The following CD72 variants were observed in gnomAD, a reference collection of about 807,000 sequenced individuals.
The protein encoded by CD72 is CD72 molecule, also known as B-cell differentiation antigen CD72.
CD72 carries 28 observed loss-of-function variants against 50.7 expected under a neutral mutation model. The observed-to-expected ratio is 0.55, with a 90% CI of 0.41 to 0.76. The LOEUF (loss-of-function observed/expected upper bound fraction) is 0.76, where lower values mean the gene tolerates loss of function less well. CD72 is among the 30% of genes least tolerant of loss of function. The pLI, the probability that CD72 is intolerant of heterozygous loss-of-function variation, is 0.00. For missense variants in CD72, 403 were observed against 420.6 expected, an observed-to-expected ratio of 0.96 and a Z score of 0.37; for synonymous variants, 176 against 171.2, an observed-to-expected ratio of 1.03 and a Z score of -0.22.
At chr9:35,641,589 TGAGGA>T (rs1456261169) in intron 1 of CD72, among the ~76,000 whole-genome samples, 4 of 152,200 alleles carry the variant, frequency 2.6e-5, no homozygotes, top group Admixed American at 2.0e-4. Flanking sequence ...CTAGCCATCT[TGAGGA>T]GAGGAAACTA....
chr9:35,636,133 G>C (rs779898686), intron 1 of CD72, among the ~76,000 whole-genome samples: 2 of 152,092 alleles, frequency 1.3e-5, no homozygotes, highest in Non-Finnish European at 2.9e-5. Context: ...CTTATTGTGA[G>C]TAGCTGACCT....
chr9:35,616,833 T>C, intron 3 of CD72, 144 bp from the exon 4 acceptor site: 2 of 983,288 alleles, frequency 2.0e-6, no homozygotes, highest in Non-Finnish European at 3.1e-6. Context: ...GCATGGTGGT[T>C]TCTGTCGGGT....
At chr9:35,633,823 C>T (rs1292403259) in intron 1 of CD72, among the ~76,000 whole-genome samples, 1 of 152,134 alleles carries the variant, frequency 6.6e-6, no homozygotes, top group Admixed American at 6.6e-5. Context: ...CATTTAATAC[C>T]CTGATAAACC....
chr9:35,616,352 CT>C, intron 4 of CD72, 74 bp from the exon 5 acceptor site: 1 of 1,215,040 alleles, frequency 8.2e-7, no homozygotes, highest in Non-Finnish European at 1.2e-6. Flanking sequence ...AGCATCAGCC[CT>C]TTTTCTGCTT....
At chr9:35,631,840 A>C (rs1823248938) in intron 1 of CD72, among the ~76,000 whole-genome samples, 1 of 152,166 alleles carries the variant, frequency 6.6e-6, no homozygotes, top group Non-Finnish European at 1.5e-5. Flanking sequence ...CAGTGAGCCG[A>C]GATCGCCGAG....
At chr9:35,641,771 C>CCCTTT (rs1293439565) in intron 1 of CD72, among the ~76,000 whole-genome samples, 2 of 152,008 alleles carry the variant, frequency 1.3e-5, no homozygotes, top group Non-Finnish European at 2.9e-5. Flanking sequence ...CCTTCTATTT[C>CCCTTT]CCTTTCCTTT....
intron 1 of CD72, among the ~76,000 whole-genome samples, chr9:35,628,250 G>T (rs562437246): frequency 6.6e-6 from 1 of 152,270 alleles, no homozygotes; most frequent in East Asian, 1.9e-4. Flanking sequence ...CTACAGGCAC[G>T]TGTTACCAGG....
chr9:35,617,596 T>C (rs917759180), intron 2 of CD72, among the ~76,000 whole-genome samples: 3 of 152,050 alleles, frequency 2.0e-5, no homozygotes, highest in African/African-American at 7.3e-5. Flanking sequence ...CCGTTTCCCA[T>C]TAGAACTCAT....
Position 35,617,237 on chromosome 9 carries a change from C to A in CD72, c.201G>T (p.Ser67=). 1 of 1,556,896 alleles carries A rather than the reference C, an allele frequency of 6.4e-7. No homozygotes were observed. Among genetic ancestry groups the A allele is most frequent in the Admixed American group, 1.9e-5 (1 of 51,676 alleles). ...SVLGDKAAVK[S]EQPTASWRAV... is the part of the protein sequence containing the mutation. The stretch of plus-strand genomic sequence containing the variant: ...CTCTCCAGGACGCAGTTGGCTGCTC[C>A]GACTTGACCGCTGTCGAGGGGAGCA... Residue 67 remains serine (S), a synonymous_variant, in exon 3 of 9, where the codon TCG becomes TCT. Transcript: ENST00000259633.
At chr9:35,629,383 AT>A (rs1433439269) in intron 1 of CD72, among the ~76,000 whole-genome samples, 2 of 152,202 alleles carry the variant, frequency 1.3e-5, no homozygotes. Flanking sequence ...TATATCCTTC[AT>A]TTAGTATGTC....
upstream of CD72, among the ~76,000 whole-genome samples, chr9:35,623,242 A>G (rs1411611052): frequency 6.6e-6 from 1 of 152,258 alleles, no homozygotes; most frequent in African/African-American, 2.4e-5. Flanking sequence ...TTGTTTATGT[A>G]ACAAAGTTTG....
Position 35,616,680 on chromosome 9 carries a change from G to T in CD72, c.272C>A (p.Thr91Asn), listed in dbSNP as rs997411281. 2.2e-5 allele frequency: 36 copies of T among 1,613,470 alleles called. No homozygotes were observed. Among genetic ancestry groups the T allele is most frequent in the Non-Finnish European group, 3.0e-5 (35 of 1,179,902 alleles). Reference protein sequence around the residue: ...AVGRILPCRTTCLRYLLLGLL... With the variant: ...AVGRILPCRTNCLRYLLLGLL... ...GCCGAGCAGGAGGTATCGCAGGCAG[G>T]TTGTGCGGCCTTAGGGGGACAGTGG... The change falls in exon 4 of 9, where the codon ACC becomes AAC. Residue 91 changes from threonine to asparagine, a missense_variant. By Grantham distance (65) the Thr-to-Asn change is moderately conservative (BLOSUM62 0). Coordinates refer to ENST00000259633, the MANE Select transcript of CD72 (RefSeq NM_001782.3).
chr9:35,612,584 C>CAA (rs71506195), intron 6 of CD72, among the ~76,000 whole-genome samples: 30 of 135,158 alleles, frequency 2.2e-4, no homozygotes, highest in African/African-American at 7.3e-4. Flanking sequence ...GACTCTGTCT[C>CAA]AAAAAAAAAA....
At position 35,616,684 on chromosome 9, in the gene CD72, T is replaced by C. The variant is rs749239973; in HGVS notation, c.268A>G (p.Thr90Ala). Residue 90 changes from threonine (T) to alanine (A), a missense_variant, in exon 4 of 9, where the codon ACA (threonine) becomes GCA (alanine). By Grantham distance (58) the Thr-to-Ala change is moderately conservative. Transcript: ENST00000259633. ...AGCAGGAGGTATCGCAGGCAGGTTG[T>C]GCGGCCTTAGGGGGACAGTGGGATG... ...PAVGRILPCR[T>A]TCLRYLLLGL... The C allele has an allele frequency of 1.2e-6, 2 of 1,613,070 alleles. No individual in the cohort carries two copies. Among genetic ancestry groups the C allele is most frequent in the East Asian group, 4.5e-5 (2 of 44,860 alleles).
At chr9:35,640,995 G>A (rs144367755) in intron 1 of CD72, among the ~76,000 whole-genome samples, 15,049 of 152,272 alleles carry the variant, frequency 0.099, 1,116 homozygotes, top group East Asian at 0.39. Context: ...ATGTTTAAAG[G>A]TGGATGCAGT....
chr9:35,611,808 T>C lies in CD72; in HGVS notation c.946A>G (p.Thr316Ala), dbSNP rs1313286347. 1.9e-6 allele frequency: 3 copies of C among 1,561,704 alleles called. No homozygotes were observed. Among genetic ancestry groups the C allele is most frequent in the Middle Eastern group, 1.7e-4 (1 of 5,972 alleles). Residue 316 changes from threonine (T) to alanine (A), a missense_variant, in exon 7 of 9, where the codon ACT (threonine) becomes GCT (alanine). Physicochemically the swap from Thr to Ala is moderately conservative, Grantham distance 58 (BLOSUM62 0). Coordinates refer to ENST00000259633, the MANE Select transcript of CD72 (RefSeq NM_001782.3). ...CAGAAGTCCTAACAAACTTACCTAG[T>C]GCGTTGTGTATCATCAGTCAACTTC... is the stretch of plus-strand genomic sequence containing the variant. Reference protein sequence around the residue: ...DWKLTDDTQRTRTYAQSSKCN... With the variant: ...DWKLTDDTQRARTYAQSSKCN...
At chr9:35,621,902 A>G (rs1478172649), upstream of CD72, among the ~76,000 whole-genome samples, 1 of 152,220 alleles carries the variant, frequency 6.6e-6, no homozygotes, top group Non-Finnish European at 1.5e-5. Flanking sequence ...CCCTGCAGAC[A>G]CCTTGACTTT....
upstream of CD72, among the ~76,000 whole-genome samples, chr9:35,622,101 T>C (rs1285915595): frequency 2.9e-4 from 44 of 152,156 alleles, no homozygotes; most frequent in Admixed American, 2.9e-3. Flanking sequence ...TATGTGACTT[T>C]GGGCAAGTGA....
intron 1 of CD72, among the ~76,000 whole-genome samples, chr9:35,625,551 T>C (rs1024212093): frequency 1.3e-5 from 2 of 152,254 alleles, no homozygotes; most frequent in African/African-American, 2.4e-5. Context: ...CTAAGATCAT[T>C]GATGAAGGTG....
Sources: gnomAD v4.1 joint callset for allele counts (sites outside exome capture counted in the v4.1 genomes callset) on GRCh38, gnomAD v4.1.1 for gene constraint, MANE v1.5 for transcripts, NCBI Gene and HGNC (gene_info 2026-07-23, HGNC 2026-07-21) for gene names.